Variants in MAGI2 observed in about 807,000 individuals in gnomAD.
MAGI2 encodes the protein membrane associated guanylate kinase, WW and PDZ domain containing 2, also known as membrane-associated guanylate kinase, WW and PDZ domain-containing protein 2.
MAGI2 carries 35 observed loss-of-function variants against 133.3 expected under a neutral mutation model. The observed-to-expected ratio is 0.26, with a 90% CI of 0.20 to 0.35. The LOEUF (loss-of-function observed/expected upper bound fraction) is 0.35. MAGI2 is among the 10% of genes least tolerant of loss of function. MAGI2 has a pLI of 1.00. For missense variants in MAGI2, 1,636 were observed against 1,863.4 expected (o/e 0.88, Z 2.25); for synonymous variants, 729 against 710.6 (o/e 1.03, Z -0.41).
intron 1 of MAGI2, among the ~76,000 whole-genome samples, chr7:79,322,700 C>T (rs899648498): frequency 4.0e-5 from 6 of 150,784 alleles, no homozygotes; most frequent in East Asian, 2.0e-4. Context: ...GCATGAGAAT[C>T]GCTTGAACCC....
chr7:79,137,143 T>C (rs1198789662), intron 1 of MAGI2, among the ~76,000 whole-genome samples: 2 of 152,024 alleles, frequency 1.3e-5, no homozygotes, highest in Non-Finnish European at 2.9e-5. Flanking sequence ...GCTTATGTGG[T>C]GGGAAAGGAC....
Position 78,458,784 on chromosome 7 carries a change from A to G in MAGI2, c.1045+30977T>C, listed in dbSNP as rs566274664. On this transcript the variant is annotated intron_variant, in intron 6 of 21. Transcript: ENST00000354212. ...CGAGTAGGTGGGACTACAGGCGCCCACCACCACGCCTGGCTAATTTTTTGT... is the reference window on the plus strand; with the variant it reads ...CGAGTAGGTGGGACTACAGGCGCCCGCCACCACGCCTGGCTAATTTTTTGT... Among the ~76,000 whole-genome samples the G allele has an allele frequency of 5.3e-5, 8 of 152,026 alleles. No individual in the cohort carries two copies. The South Asian group carries it at 6.2e-4, about 12-fold the overall frequency.
At chr7:79,136,107 AAGAAAGAAAGAAAGAAAG>A (rs1562929437) in intron 1 of MAGI2, among the ~76,000 whole-genome samples, 2 of 151,144 alleles carry the variant, frequency 1.3e-5, no homozygotes, top group African/African-American at 4.9e-5. Flanking sequence ...GAAAGAAAGA[AAGAAAGAAAGAAAGAAAG>A]AAAGACACAA....
intron 2 of MAGI2, among the ~76,000 whole-genome samples, chr7:78,806,213 T>C (rs976690806): frequency 3.3e-5 from 5 of 152,164 alleles, no homozygotes; most frequent in African/African-American, 1.2e-4. Context: ...GCAGGTTATA[T>C]GAATTTCTAC....
intron 5 of MAGI2, among the ~76,000 whole-genome samples, chr7:78,497,249 T>G (rs1053271700): frequency 1.3e-5 from 2 of 152,204 alleles, no homozygotes; most frequent in Admixed American, 6.6e-5. Flanking sequence ...CATAAGACAT[T>G]ATTACTATTT....
intron 1 of MAGI2, among the ~76,000 whole-genome samples, chr7:79,326,552 G>GC (rs1839708895): frequency 6.6e-6 from 1 of 152,020 alleles, no homozygotes; most frequent in Non-Finnish European, 1.5e-5. Context: ...ACCTATGAAA[G>GC]GTATACTCCC....
At chr7:78,190,442 A>T (rs954291389) in intron 12 of MAGI2, among the ~76,000 whole-genome samples, 1 of 152,244 alleles carries the variant, frequency 6.6e-6, no homozygotes, top group Non-Finnish European at 1.5e-5. Context: ...CCTTGAATAG[A>T]GTATATAAAA....
At chr7:79,113,811 T>TAC (rs3047688) in intron 1 of MAGI2, among the ~76,000 whole-genome samples, 6,852 of 148,060 alleles carry the variant, frequency 0.046, 168 homozygotes, top group African/African-American at 0.08. Context: ...TACACACGCT[T>TAC]ACACACACAC....
At chr7:78,450,949 C>T (rs1788662695) in intron 6 of MAGI2, among the ~76,000 whole-genome samples, 1 of 151,866 alleles carries the variant, frequency 6.6e-6, no homozygotes, top group African/African-American at 2.4e-5. Context: ...GTTGTAATAG[C>T]GATATGATTT....
chr7:79,380,046 A>G (rs1462717076), intron 1 of MAGI2, among the ~76,000 whole-genome samples: 2 of 151,796 alleles, frequency 1.3e-5, no homozygotes, highest in Non-Finnish European at 2.9e-5. Context: ...TAAAAACCCT[A>G]GAAGAAAACC....
chr7:79,371,128 T>G (rs1422933474), intron 1 of MAGI2, among the ~76,000 whole-genome samples: 1 of 152,168 alleles, frequency 6.6e-6, no homozygotes, highest in Non-Finnish European at 1.5e-5. Context: ...AATATTTTCT[T>G]CTTCTAAAAT....
chr7:79,117,518 T>C (rs1819513257), intron 1 of MAGI2, among the ~76,000 whole-genome samples: 1 of 152,182 alleles, frequency 6.6e-6, no homozygotes, highest in Non-Finnish European at 1.5e-5. Context: ...TATTTCATTT[T>C]TGGTATTTAT....
intron 6 of MAGI2, among the ~76,000 whole-genome samples, chr7:78,423,390 T>C (rs1798977923): frequency 6.6e-6 from 1 of 152,206 alleles, no homozygotes; most frequent in South Asian, 2.1e-4. Flanking sequence ...TAAACCTCTT[T>C]CTTTTGTAAA....
At chr7:78,620,390 T>C (rs1459856399) in intron 3 of MAGI2, among the ~76,000 whole-genome samples, 2 of 152,056 alleles carry the variant, frequency 1.3e-5, no homozygotes, top group African/African-American at 4.8e-5. Context: ...AATAGATTTG[T>C]GTAGAATTTG....
intron 1 of MAGI2, among the ~76,000 whole-genome samples, chr7:79,092,952 G>A (rs1817193886): frequency 6.6e-6 from 1 of 152,016 alleles, no homozygotes; most frequent in African/African-American, 2.4e-5. Flanking sequence ...AACTTTCACA[G>A]TTGACTTCAA....
chr7:79,404,888 C>T (rs1236852943), intron 1 of MAGI2, among the ~76,000 whole-genome samples: 1 of 152,134 alleles, frequency 6.6e-6, no homozygotes, highest in African/African-American at 2.4e-5. Flanking sequence ...TATGTGTCCT[C>T]CTAGGCCCAA....
intron 6 of MAGI2, among the ~76,000 whole-genome samples, chr7:78,422,247 A>G (rs796452695): frequency 9.9e-5 from 15 of 152,262 alleles, no homozygotes; most frequent in African/African-American, 3.6e-4. Flanking sequence ...GCTGCGGTAC[A>G]TGCGTATTCT....
At chr7:78,473,549 G>A (rs1255646312) in intron 6 of MAGI2, among the ~76,000 whole-genome samples, 1 of 151,688 alleles carries the variant, frequency 6.6e-6, no homozygotes, top group African/African-American at 2.4e-5. Context: ...CTCTCTCTCT[G>A]GTATGACGTA....
chr7:78,601,056 T>C (rs1372038016), intron 3 of MAGI2, among the ~76,000 whole-genome samples: 1 of 152,192 alleles, frequency 6.6e-6, no homozygotes. Context: ...TCTGACAATA[T>C]ACAGAAAGAT....
Sources: gnomAD v4.1 joint callset for allele counts (sites outside exome capture counted in the v4.1 genomes callset) on GRCh38, gnomAD v4.1.1 for gene constraint, MANE v1.5 for transcripts, NCBI Gene and HGNC (gene_info 2026-07-23, HGNC 2026-07-21) for gene names.